FANCC: variants seen among roughly 807,000 people sequenced by gnomAD.
FANCC encodes the protein Fanconi anemia group C protein.
In FANCC, 55 loss-of-function variants were observed where a neutral mutation model predicts 71.3. The observed-to-expected ratio is 0.77, with a 90% CI of 0.62 to 0.97. The LOEUF (loss-of-function observed/expected upper bound fraction) is 0.97, where lower values mean the gene tolerates loss of function less well. Ranked by LOEUF, FANCC falls within the 50% of genes least tolerant of loss-of-function variation. FANCC has a pLI of 0.00. For synonymous variants in FANCC, 275 were observed against 244.9 expected (o/e 1.12, Z -1.15); for missense variants, 678 against 670.9 (o/e 1.01, Z -0.12).
intron 6 of FANCC, among the ~76,000 whole-genome samples, chr9:95,153,981 C>T (rs767781802): frequency 1.3e-5 from 2 of 152,044 alleles, no homozygotes; most frequent in Non-Finnish European, 2.9e-5. Flanking sequence ...TGTGGTGGCT[C>T]ATGCCTGTAA....
chr9:95,285,083 C>A (rs1833611159), intron 1 of FANCC, among the ~76,000 whole-genome samples: 1 of 151,214 alleles, frequency 6.6e-6, no homozygotes. Flanking sequence ...CGGTATGTTG[C>A]CAAAGAGAAG....
chr9:95,199,625 T>G (rs1827683139), intron 4 of FANCC, among the ~76,000 whole-genome samples: 1 of 152,142 alleles, frequency 6.6e-6, no homozygotes, highest in Non-Finnish European at 1.5e-5. Flanking sequence ...GCACAGACAG[T>G]GCCCAGCGCA....
chr9:95,110,066 A>AAAT (rs2134511584), intron 13 of FANCC, among the ~76,000 whole-genome samples: 1 of 152,328 alleles, frequency 6.6e-6, no homozygotes, highest in East Asian at 1.9e-4. Flanking sequence ...GGGGGAAGGG[A>AAAT]AATGGATGCC....
At chr9:95,151,738 G>A (rs1308061127) in intron 6 of FANCC, among the ~76,000 whole-genome samples, 1 of 152,044 alleles carries the variant, frequency 6.6e-6, no homozygotes, top group Admixed American at 6.6e-5. Context: ...GACCAGCACA[G>A]GTAACATGGA....
intron 13 of FANCC, chr9:95,110,783 G>T (rs917865324): frequency 4.8e-5 from 53 of 1,107,048 alleles, no homozygotes; most frequent in Non-Finnish European, 5.6e-5. Flanking sequence ...GCAAATCAAT[G>T]CTTGCAAGGG....
At chr9:95,303,385 C>T (rs1834871922) in intron 1 of FANCC, among the ~76,000 whole-genome samples, 1 of 152,148 alleles carries the variant, frequency 6.6e-6, no homozygotes, top group South Asian at 2.1e-4. Flanking sequence ...AGAACACACG[C>T]GCACCAGCAT....
intron 4 of FANCC, among the ~76,000 whole-genome samples, chr9:95,193,180 A>T (rs774354224): frequency 5.9e-5 from 9 of 152,200 alleles, no homozygotes; most frequent in Non-Finnish European, 1.0e-4. Context: ...GAGCATGCTG[A>T]TTAGATTAGA....
At chr9:95,102,319 C>T (rs1248536198) in intron 14 of FANCC, among the ~76,000 whole-genome samples, 6 of 152,334 alleles carry the variant, frequency 3.9e-5, no homozygotes, top group Non-Finnish European at 7.3e-5. Flanking sequence ...GGCTAGCAAC[C>T]GGACCTACTT....
intron 1 of FANCC, among the ~76,000 whole-genome samples, chr9:95,295,949 A>G (rs1834343859): frequency 6.6e-6 from 1 of 152,188 alleles, no homozygotes; most frequent in African/African-American, 2.4e-5. Flanking sequence ...AAAATGTACT[A>G]AAAGAGTAGA....
Position 95,178,397 on chromosome 9 carries a change from G to A in FANCC, c.346-6250C>T, listed in dbSNP as rs907586142. On this transcript the variant is annotated intron_variant, in intron 4 of 14. Coordinates refer to ENST00000289081, the MANE Select transcript of FANCC (RefSeq NM_000136.3). ...GTGGAGATCCAGGTTCAGAATGGCC[G>A]CCTTATCCCTGACTTCTGAGAGGTC... 3.9e-5 allele frequency among the ~76,000 whole-genome samples: 6 copies of A among 152,204 alleles called. No homozygotes were observed. In the South Asian group the frequency reaches 6.2e-4, roughly 16 times the overall value.
At chr9:95,244,177 C>T (rs139573122) in intron 3 of FANCC, among the ~76,000 whole-genome samples, 46 of 152,340 alleles carry the variant, frequency 3.0e-4, no homozygotes, top group Middle Eastern at 6.8e-3. Context: ...AGTTCAGATG[C>T]CCTGTCTTAG....
intron 1 of FANCC, among the ~76,000 whole-genome samples, chr9:95,300,440 G>T (rs955413892): frequency 1.3e-5 from 2 of 150,350 alleles, no homozygotes; most frequent in Non-Finnish European, 3.0e-5. Flanking sequence ...AAGTCTGTAG[G>T]AAATAAATAC....
chr9:95,128,656 T>G (rs978691273), intron 8 of FANCC, among the ~76,000 whole-genome samples: 1 of 152,248 alleles, frequency 6.6e-6, no homozygotes, highest in African/African-American at 2.4e-5. Flanking sequence ...GCTCCTCTTC[T>G]GTGCGCTGTT....
intron 10 of FANCC, among the ~76,000 whole-genome samples, chr9:95,119,398 G>T (rs1335200308): frequency 2.8e-5 from 4 of 144,154 alleles, no homozygotes; most frequent in South Asian, 4.3e-4. Context: ...ATGGAGTCTT[G>T]CTCTGTTGCC....
chr9:95,291,012 T>C (rs1201098194), intron 1 of FANCC, among the ~76,000 whole-genome samples: 1 of 152,132 alleles, frequency 6.6e-6, no homozygotes, highest in African/African-American at 2.4e-5. Context: ...GAAAGAGCAT[T>C]TGACAAAATT....
intron 1 of FANCC, chr9:95,294,541 T>G: frequency 6.5e-7 from 1 of 1,547,236 alleles, no homozygotes; most frequent in South Asian, 1.1e-5. Flanking sequence ...GAGTACTGAT[T>G]CATCTGACAC....
At chr9:95,117,222 T>G in intron 11 of FANCC, 93 bp downstream of exon 11, 1 of 1,085,786 alleles carries the variant, frequency 9.2e-7, no homozygotes, top group Non-Finnish European at 1.4e-6. Flanking sequence ...GTCTCCCTCA[T>G]GCTGTAGATA....
intron 1 of FANCC, among the ~76,000 whole-genome samples, chr9:95,253,387 C>G (rs1300606439): frequency 6.6e-6 from 1 of 152,198 alleles, no homozygotes; most frequent in Non-Finnish European, 1.5e-5. Flanking sequence ...CTCTCTTAAT[C>G]TAGATCCCTA....
chr9:95,268,112 G>A lies in FANCC; in HGVS notation c.-78-18743C>T, dbSNP rs937244572. 3.9e-5 allele frequency among the ~76,000 whole-genome samples: 6 copies of A among 152,244 alleles called. No homozygotes were observed. The East Asian group carries it at 5.8e-4, about 15-fold the overall frequency. ...CTAGCATTTTGCCTCTCCCCTACCA[G>A]TTGGTGGATATAGGTGAAGTAACTT... is the stretch of plus-strand genomic sequence containing the variant. On this transcript the variant is annotated intron_variant, in intron 1 of 14. Transcript: ENST00000289081.
Sources: allele counts gnomAD v4.1 joint callset (sites outside exome capture counted in the v4.1 genomes callset), GRCh38; gene constraint gnomAD v4.1.1; transcripts MANE v1.5; gene names NCBI Gene and HGNC (gene_info 2026-07-23, HGNC 2026-07-21).